Variants in EPHA6 observed in about 807,000 individuals in gnomAD.
EPHA6 encodes ephrin type-A receptor 6.
Under a neutral mutation model 112.0 loss-of-function variants are expected in EPHA6, and 50 were observed. That is an observed-to-expected ratio of 0.45 (90% CI 0.36 to 0.56). EPHA6 has a LOEUF of 0.56. EPHA6 is among the 20% of genes least tolerant of loss of function. EPHA6 has a pLI of 0.00. For synonymous variants in EPHA6, 529 were observed against 490.7 expected (o/e 1.08, Z -1.03); for missense variants, 1,280 against 1,417.4 (o/e 0.90, Z 1.56).
intron 3 of EPHA6, among the ~76,000 whole-genome samples, chr3:97,138,975 CAG>C (rs1406525593): frequency 1.3e-5 from 2 of 152,172 alleles, no homozygotes; most frequent in Non-Finnish European, 2.9e-5. Flanking sequence ...AACTCTGGGT[CAG>C]TGCTCTTCTC....
At chr3:97,350,872 T>C (rs1303040223) in intron 5 of EPHA6, among the ~76,000 whole-genome samples, 1 of 152,150 alleles carries the variant, frequency 6.6e-6, no homozygotes, top group Admixed American at 6.6e-5. Context: ...AGGGTCTAAT[T>C]AGGCAAAGTT....
chr3:96,819,282 T>C (rs1013306731), intron 1 of EPHA6, among the ~76,000 whole-genome samples: 2 of 152,088 alleles, frequency 1.3e-5, no homozygotes, highest in Non-Finnish European at 2.9e-5. Flanking sequence ...TTTGTTACTT[T>C]TACATCACAA....
At chr3:96,955,542 T>C (rs2041724349) in intron 2 of EPHA6, among the ~76,000 whole-genome samples, 7 of 152,192 alleles carry the variant, frequency 4.6e-5, no homozygotes, top group Admixed American at 4.6e-4. Flanking sequence ...ATTTGTACTC[T>C]TAGTGTTTTC....
intron 12 of EPHA6, among the ~76,000 whole-genome samples, chr3:97,594,351 A>G (rs956351321): frequency 4.6e-5 from 7 of 152,250 alleles, no homozygotes; most frequent in Non-Finnish European, 8.8e-5. Context: ...CTAGCACTCT[A>G]TTCTTCTAGG....
At chr3:97,314,303 T>C (rs1029427614) in intron 5 of EPHA6, among the ~76,000 whole-genome samples, 4 of 151,668 alleles carry the variant, frequency 2.6e-5, no homozygotes, top group Non-Finnish European at 4.4e-5. Context: ...GTGCAGTGTT[T>C]TCAGCTTTGT....
chr3:97,316,093 CAT>C (rs1330641918), intron 5 of EPHA6, among the ~76,000 whole-genome samples: 1 of 151,660 alleles, frequency 6.6e-6, no homozygotes, highest in Non-Finnish European at 1.5e-5. Flanking sequence ...ATTATTGTGT[CAT>C]ATTAAATGAT....
chr3:96,842,289 T>G (rs538830538), intron 1 of EPHA6, among the ~76,000 whole-genome samples: 2 of 152,092 alleles, frequency 1.3e-5, no homozygotes, highest in African/African-American at 2.4e-5. Flanking sequence ...ATTAATAAGG[T>G]TTATACTTGC....
At chr3:97,208,856 G>A (rs2077786940) in intron 3 of EPHA6, among the ~76,000 whole-genome samples, 2 of 152,094 alleles carry the variant, frequency 1.3e-5, no homozygotes, top group African/African-American at 4.8e-5. Flanking sequence ...AACCTTGTAT[G>A]ATAAATACAA....
chr3:97,575,371 T>C (rs1370857554), intron 11 of EPHA6, among the ~76,000 whole-genome samples: 5 of 152,162 alleles, frequency 3.3e-5, no homozygotes, highest in Non-Finnish European at 5.9e-5. Flanking sequence ...TAGATTAACA[T>C]CATGAGAGGT....
At chr3:97,010,926 A>G (rs1184042319) in intron 3 of EPHA6, among the ~76,000 whole-genome samples, 1 of 152,194 alleles carries the variant, frequency 6.6e-6, no homozygotes, top group Non-Finnish European at 1.5e-5. Flanking sequence ...ATTAAAATGC[A>G]GAAATATCTG....
intron 11 of EPHA6, among the ~76,000 whole-genome samples, chr3:97,592,078 G>A (rs578124463): frequency 1.3e-5 from 2 of 152,136 alleles, no homozygotes; most frequent in Non-Finnish European, 2.9e-5. Context: ...TAATGGAAAA[G>A]TATAACAAAT....
At chr3:96,826,037 G>A (rs1451129811) in intron 1 of EPHA6, among the ~76,000 whole-genome samples, 1 of 151,578 alleles carries the variant, frequency 6.6e-6, no homozygotes, top group Non-Finnish European at 1.5e-5. Flanking sequence ...CCTATTGCAG[G>A]CATCATTTTT....
intron 5 of EPHA6, among the ~76,000 whole-genome samples, chr3:97,381,519 A>G (rs1039265670): frequency 1.2e-4 from 18 of 152,118 alleles, no homozygotes; most frequent in African/African-American, 3.9e-4. Flanking sequence ...TAAATCCTAC[A>G]TTATACACCC....
At chr3:97,622,579 T>C (rs927349370) in intron 13 of EPHA6, among the ~76,000 whole-genome samples, 2 of 151,806 alleles carry the variant, frequency 1.3e-5, no homozygotes, top group Non-Finnish European at 2.9e-5. Context: ...GACACCCTAC[T>C]TTCCATTCAT....
intron 3 of EPHA6, among the ~76,000 whole-genome samples, chr3:97,044,464 C>T (rs1576380987): frequency 6.6e-6 from 1 of 152,242 alleles, no homozygotes; most frequent in East Asian, 1.9e-4. Context: ...TTAGAATTAT[C>T]CTACAACTTT....
chr3:97,218,034 A>G (rs533128221), intron 3 of EPHA6, among the ~76,000 whole-genome samples: 13 of 152,128 alleles, frequency 8.5e-5, no homozygotes, highest in Non-Finnish European at 1.6e-4. Context: ...ACTTTGGCAG[A>G]CCGAGGCAAG....
chr3:96,847,105 TCA>T (rs2035116490), intron 1 of EPHA6, among the ~76,000 whole-genome samples: 2 of 152,146 alleles, frequency 1.3e-5, no homozygotes, highest in African/African-American at 4.8e-5. Context: ...GGTTTATTTC[TCA>T]TTTTTCTTCT....
rs79648123 is a variant in EPHA6, at chr3:97,216,027, T to G, written c.1115-10237T>G. 9.6e-4 allele frequency among the ~76,000 whole-genome samples: 146 copies of G among 152,262 alleles called. 1 individual carries two copies. The highest frequency in any genetic ancestry group is 3.3e-3 in the African/African-American group (139 of 41,570). On this transcript the variant is annotated intron_variant, in intron 3 of 17. Transcript: ENST00000389672. ...AAAGAGAAAGGGAAAAGAAACTACA[T>G]CAGGTGAGAAAAGTCAATGTCTGTA... is the stretch of plus-strand genomic sequence containing the variant.
intron 6 of EPHA6, among the ~76,000 whole-genome samples, chr3:97,447,501 T>G (rs143453912): frequency 3.9e-5 from 6 of 152,278 alleles, no homozygotes; most frequent in African/African-American, 1.4e-4. Flanking sequence ...GCTTGACCTA[T>G]GACTTTTGTT....
Sources: gnomAD v4.1 joint callset for allele counts (sites outside exome capture counted in the v4.1 genomes callset) on GRCh38, gnomAD v4.1.1 for gene constraint, MANE v1.5 for transcripts, NCBI Gene and HGNC (gene_info 2026-07-23, HGNC 2026-07-21) for gene names.